SLC35F1: variants seen among roughly 807,000 people sequenced by gnomAD.
SLC35F1 encodes solute carrier family 35 member F1, also known as chromosome 6 open reading frame 169.
SLC35F1 carries 14 observed loss-of-function variants against 48.7 expected under a neutral mutation model. The ratio of observed to expected loss-of-function variants is 0.29; its 90% CI spans 0.19 to 0.45. The LOEUF is 0.45. Ranked by LOEUF, SLC35F1 falls within the 20% of genes least tolerant of loss-of-function variation. The pLI is 1.00. For synonymous variants in SLC35F1, 190 were observed against 202.2 expected, an observed-to-expected ratio of 0.94 and a Z score of 0.51; for missense variants, 404 against 500.0, an observed-to-expected ratio of 0.81 and a Z score of 1.83.
intron 1 of SLC35F1, among the ~76,000 whole-genome samples, chr6:118,106,610 T>C (rs1773331058): frequency 6.6e-6 from 1 of 152,228 alleles, no homozygotes. Flanking sequence ...TCTTTTGATC[T>C]CTTATAATCC....
At chr6:118,247,979 C>T (rs1193897464) in intron 3 of SLC35F1, among the ~76,000 whole-genome samples, 2 of 152,172 alleles carry the variant, frequency 1.3e-5, no homozygotes, top group African/African-American at 4.8e-5. Flanking sequence ...ATAGTAAAAC[C>T]TACCCAAAAA....
chr6:118,205,314 C>T (rs748485902), intron 2 of SLC35F1, among the ~76,000 whole-genome samples: 1 of 152,158 alleles, frequency 6.6e-6, no homozygotes, highest in Non-Finnish European at 1.5e-5. Context: ...GGAAAAAGGA[C>T]TTGAATAGAC....
chr6:117,953,020 G>A (rs755736416), intron 1 of SLC35F1, among the ~76,000 whole-genome samples: 2 of 152,186 alleles, frequency 1.3e-5, no homozygotes, highest in African/African-American at 4.8e-5. Flanking sequence ...AGCAGGAAGT[G>A]GGCACTGGTC....
intron 3 of SLC35F1, among the ~76,000 whole-genome samples, chr6:118,252,292 T>TA (rs1392210828): frequency 6.6e-6 from 1 of 152,128 alleles, no homozygotes; most frequent in African/African-American, 2.4e-5. Context: ...AGCCACTTGC[T>TA]AACTGTCGAT....
chr6:118,011,477 A>T (rs957816025), intron 1 of SLC35F1, among the ~76,000 whole-genome samples: 3 of 152,136 alleles, frequency 2.0e-5, no homozygotes, highest in East Asian at 1.9e-4. Flanking sequence ...GCAAGGGGGA[A>T]GTCTGCCTCC....
intron 1 of SLC35F1, among the ~76,000 whole-genome samples, chr6:118,014,124 T>C (rs760675071): frequency 5.9e-5 from 9 of 152,230 alleles, no homozygotes; most frequent in Non-Finnish European, 1.3e-4. Flanking sequence ...CTGAGTTTCA[T>C]TTTCCTTACT....
intron 1 of SLC35F1, among the ~76,000 whole-genome samples, chr6:117,912,801 C>T (rs1775778881): frequency 6.6e-6 from 1 of 152,124 alleles, no homozygotes. Flanking sequence ...CTAATGTTCA[C>T]ATTAAAGGGA....
chr6:118,169,807 C>A (rs894808767), intron 2 of SLC35F1, among the ~76,000 whole-genome samples: 9 of 152,234 alleles, frequency 5.9e-5, no homozygotes, highest in African/African-American at 2.2e-4. Flanking sequence ...TGATTATTTT[C>A]CATTTCTATT....
Position 117,935,295 on chromosome 6 carries a change from C to T in SLC35F1, c.173+27396C>T, listed in dbSNP as rs76593451. Among the ~76,000 whole-genome samples, 561 of 152,254 alleles carry T rather than the reference C, an allele frequency of 3.7e-3. 4 individuals carry two copies. The highest frequency in any genetic ancestry group is 0.012 in the African/African-American group (517 of 41,556). On this transcript the variant is annotated intron_variant, in intron 1 of 7. Transcript: ENST00000360388. ...TTATACAGTTGATTTTTATTATTCA[C>T]TGAAGTTATGCTCTATAAAGTTGCT...
At chr6:118,199,691 T>C (rs1774848080) in intron 2 of SLC35F1, among the ~76,000 whole-genome samples, 1 of 152,190 alleles carries the variant, frequency 6.6e-6, no homozygotes, top group South Asian at 2.1e-4. Context: ...CTAGTCAATG[T>C]CTACAGGGAA....
At chr6:118,238,801 G>T (rs1243516011) in intron 3 of SLC35F1, among the ~76,000 whole-genome samples, 1 of 152,174 alleles carries the variant, frequency 6.6e-6, no homozygotes, top group Admixed American at 6.5e-5. Context: ...AATTGGCTTA[G>T]ACCTGAAGTA....
At chr6:118,229,901 C>A (rs1775265921) in intron 2 of SLC35F1, among the ~76,000 whole-genome samples, 1 of 152,162 alleles carries the variant, frequency 6.6e-6, no homozygotes, top group East Asian at 1.9e-4. Context: ...CCTGTCTATT[C>A]TCAAACACTG....
chr6:118,012,376 C>T (rs1336770556), intron 1 of SLC35F1, among the ~76,000 whole-genome samples: 2 of 151,222 alleles, frequency 1.3e-5, no homozygotes, highest in African/African-American at 4.9e-5. Flanking sequence ...CCTCTGGATA[C>T]GTGACTGTGA....
intron 2 of SLC35F1, among the ~76,000 whole-genome samples, chr6:118,174,535 A>G (rs1413120779): frequency 2.0e-5 from 3 of 152,160 alleles, no homozygotes; most frequent in Non-Finnish European, 4.4e-5. Context: ...GAAAAACAGA[A>G]TGGAATATCC....
intron 1 of SLC35F1, among the ~76,000 whole-genome samples, chr6:118,032,741 T>A (rs1772072663): frequency 6.6e-6 from 1 of 152,252 alleles, no homozygotes; most frequent in Admixed American, 6.5e-5. Context: ...CTGTAATTTG[T>A]CATCATGCTC....
At chr6:118,114,977 T>C (rs1773457370) in intron 1 of SLC35F1, among the ~76,000 whole-genome samples, 1 of 152,152 alleles carries the variant, frequency 6.6e-6, no homozygotes, top group African/African-American at 2.4e-5. Flanking sequence ...GCATCTAGGA[T>C]ATCATTGCTT....
intron 2 of SLC35F1, among the ~76,000 whole-genome samples, chr6:118,207,620 G>C (rs1286060290): frequency 6.6e-6 from 1 of 152,168 alleles, no homozygotes; most frequent in Non-Finnish European, 1.5e-5. Flanking sequence ...GTGGAGTTCA[G>C]AAGAGGGAGG....
In SLC35F1 at chr6:118,045,172, T is replaced by C. The variant is rs114069888; in HGVS notation, c.174-109273T>C. ...TATTCTTAAATAATTGACTTTGTGA[T>C]GTCAGAATGGGTAAATTTTTGCAAT... On this transcript the variant is annotated intron_variant, in intron 1 of 7. Transcript: ENST00000360388. Among the ~76,000 whole-genome samples the C allele has an allele frequency of 6.7e-3, 1,023 of 152,298 alleles. 16 individuals are homozygous for C. The highest frequency in any genetic ancestry group is 0.023 in the African/African-American group (944 of 41,576).
chr6:118,001,142 G>C (rs1206087623), intron 1 of SLC35F1, among the ~76,000 whole-genome samples: 4 of 152,278 alleles, frequency 2.6e-5, no homozygotes, highest in African/African-American at 9.6e-5. Context: ...GCATCGCCAA[G>C]TCAATCCTAA....
Sources: allele counts gnomAD v4.1 joint callset (sites outside exome capture counted in the v4.1 genomes callset), GRCh38; gene constraint gnomAD v4.1.1; transcripts MANE v1.5; gene names NCBI Gene and HGNC (gene_info 2026-07-23, HGNC 2026-07-21).